The following RSPH14 variants were observed in gnomAD, a reference collection of about 807,000 sequenced individuals.
The protein encoded by RSPH14 is radial spoke head 14 homolog.
RSPH14 carries 20 observed loss-of-function variants against 26.7 expected under a neutral mutation model. The observed-to-expected ratio is 0.75, with a 90% confidence interval of 0.53 to 1.09. RSPH14 has a LOEUF of 1.09. RSPH14 is among the 50% of genes least tolerant of loss of function. The probability of loss-of-function intolerance (pLI) is 0.00; values close to 1 mark genes in which losing one functional copy is unlikely to be tolerated. For synonymous variants in RSPH14, 177 were observed against 189.3 expected, an observed-to-expected ratio of 0.93 and a Z score of 0.53; for missense variants, 449 against 457.2, an observed-to-expected ratio of 0.98 and a Z score of 0.16.
At chr22:23,161,669 C>T in the RSPH14 span, 2 of 1,035,594 alleles carry the variant, frequency 1.9e-6, no homozygotes, top group Non-Finnish European at 2.8e-6. Context: ...GTGTCGCCCT[C>T]AAGCTGTAGG....
the RSPH14 span, among the ~76,000 whole-genome samples, chr22:23,152,112 C>T: frequency 1.3e-5 from 2 of 152,236 alleles, no homozygotes; most frequent in East Asian, 3.8e-4. Flanking sequence ...ACAGCACAGA[C>T]GTGCCCACGG....
intron 4 of RSPH14, chr22:23,123,447 G>A (rs1458695767): frequency 6.4e-7 from 1 of 1,551,456 alleles, no homozygotes; most frequent in Non-Finnish European, 8.8e-7. Context: ...TGGGCCCGGG[G>A]CCCGCCTGCC....
At chr22:23,105,719 C>T (rs1373955821) in intron 4 of RSPH14, among the ~76,000 whole-genome samples, 1 of 152,242 alleles carries the variant, frequency 6.6e-6, no homozygotes, top group African/African-American at 2.4e-5. Flanking sequence ...ATCTACAACA[C>T]ACCTGTATCA....
the RSPH14 span, among the ~76,000 whole-genome samples, chr22:23,179,235 A>T: frequency 6.6e-6 from 1 of 152,216 alleles, no homozygotes; most frequent in Non-Finnish European, 1.5e-5. Flanking sequence ...CAGCACTTGG[A>T]GGCAGATGTG....
intron 4 of RSPH14, among the ~76,000 whole-genome samples, chr22:23,093,453 G>A (rs560634710): frequency 5.9e-5 from 9 of 152,200 alleles, no homozygotes; most frequent in Admixed American, 1.3e-4. Context: ...CTCCTCACCC[G>A]CACTCTGGCT....
the RSPH14 span, among the ~76,000 whole-genome samples, chr22:23,179,503 A>G: frequency 3.3e-5 from 5 of 152,272 alleles, no homozygotes; most frequent in South Asian, 1.0e-3. Context: ...ACCTCAGTGC[A>G]GGTTGGCCGC....
the RSPH14 span, chr22:23,156,411 G>A: frequency 5.6e-6 from 1 of 179,004 alleles, no homozygotes; most frequent in Non-Finnish European, 1.2e-5. Flanking sequence ...CCAGGGAGTA[G>A]GAGTGAAAGG....
intron 4 of RSPH14, among the ~76,000 whole-genome samples, chr22:23,094,318 G>C (rs1025329136): frequency 6.6e-6 from 1 of 152,092 alleles, no homozygotes; most frequent in Non-Finnish European, 1.5e-5. Flanking sequence ...CGTGTGGGGA[G>C]GCCTGGCCTA....
upstream of RSPH14, chr22:23,145,187 A>AT (rs1164480429): frequency 1.6e-6 from 1 of 623,202 alleles, no homozygotes; most frequent in African/African-American, 1.8e-5. Flanking sequence ...ACCTGCGCGA[A>AT]TCTCTCCACG....
chr22:23,160,875 A>G, the RSPH14 span: 7 of 1,612,742 alleles, frequency 4.3e-6, no homozygotes, highest in Non-Finnish European at 5.9e-6. Context: ...TTGTGGGCCC[A>G]CAGGCGAGAA....
intron 4 of RSPH14, among the ~76,000 whole-genome samples, chr22:23,090,633 G>A (rs1414559610): frequency 2.0e-5 from 3 of 152,114 alleles, no homozygotes; most frequent in African/African-American, 7.2e-5. Context: ...CCTTTGTGCC[G>A]GTGGTTCCCT....
At chr22:23,159,014 T>C in the RSPH14 span, 9 of 1,607,322 alleles carry the variant, frequency 5.6e-6, no homozygotes, top group Non-Finnish European at 7.7e-6. Context: ...TGGGTGGCCC[T>C]TGGGAAAATG....
At chr22:23,134,662 C>T (rs1361161642) in intron 3 of RSPH14, among the ~76,000 whole-genome samples, 3 of 151,196 alleles carry the variant, frequency 2.0e-5, no homozygotes, top group Non-Finnish European at 2.9e-5. Context: ...GTCAGGAGTT[C>T]GAGACCAGCC....
At chr22:23,080,430 A>T (rs1245569289) in intron 4 of RSPH14, among the ~76,000 whole-genome samples, 2 of 152,220 alleles carry the variant, frequency 1.3e-5, no homozygotes, top group East Asian at 3.9e-4. Flanking sequence ...CAGCCGGGGC[A>T]TAGCCTGGGG....
chr22:23,063,586 G>A (rs1457005287), intron 5 of RSPH14, among the ~76,000 whole-genome samples: 2 of 152,202 alleles, frequency 1.3e-5, no homozygotes. Context: ...CACACAGGAG[G>A]CACTCAGTGA....
chr22:23,094,540 G>A lies in RSPH14; in HGVS notation c.422-30407C>T, dbSNP rs189208851. Among the ~76,000 whole-genome samples, 130 of 152,308 alleles carry A rather than the reference G, an allele frequency of 8.5e-4. 2 individuals are homozygous for A. The Middle Eastern group carries it at 0.017, about 20-fold the overall frequency. ...CAGGTGGATTTCCCCGCAGCACCAC[G>A]TGCAGCCCCCAGCTCCTTGGTCTCA... is the stretch of plus-strand genomic sequence containing the variant. On this transcript the variant is annotated intron_variant, in intron 4 of 6. Coordinates refer to ENST00000216036, the MANE Select transcript of RSPH14 (RefSeq NM_014433.3).
the RSPH14 span, chr22:23,162,713 C>T: frequency 4.4e-6 from 2 of 456,156 alleles, no homozygotes; most frequent in Non-Finnish European, 8.8e-6. Context: ...CCACCCGTCT[C>T]GTGCTGTTGC....
At chr22:23,146,519 G>A, upstream of RSPH14, 1 of 1,536,156 alleles carries the variant, frequency 6.5e-7, no homozygotes, top group South Asian at 1.2e-5. Flanking sequence ...GCCTGGATCT[G>A]ATGAAAAGTT....
At chr22:23,126,512 A>G (rs750137996) in intron 4 of RSPH14, among the ~76,000 whole-genome samples, 1 of 152,204 alleles carries the variant, frequency 6.6e-6, no homozygotes, top group Non-Finnish European at 1.5e-5. Context: ...TCCATCTGTC[A>G]GGGCTCCAGG....
Sources: allele counts gnomAD v4.1 joint callset (sites outside exome capture counted in the v4.1 genomes callset), GRCh38; gene constraint gnomAD v4.1.1; transcripts MANE v1.5; gene names NCBI Gene and HGNC (gene_info 2026-07-23, HGNC 2026-07-21).